The following TSPAN4 variants were observed in gnomAD, a reference collection of about 807,000 sequenced individuals.
The protein encoded by TSPAN4 is tetraspanin-4.
A neutral mutation model predicts 31.5 loss-of-function variants in TSPAN4; 38 were observed. That is an observed-to-expected ratio of 1.21 (90% CI 0.93 to 1.58). The LOEUF is 1.58. Ranked by LOEUF, TSPAN4 falls within the 40% of genes most tolerant of loss-of-function variation. TSPAN4 has a pLI of 0.00. For synonymous variants in TSPAN4, 186 were observed against 144.6 expected (o/e 1.29, Z -2.06); for missense variants, 330 against 317.3 (o/e 1.04, Z -0.30).
Position 864,522 on chromosome 11 carries a change from C to T in TSPAN4, c.330+11C>T, listed in dbSNP as rs1451245830. The T allele has an allele frequency of 6.2e-7, 1 of 1,611,352 alleles. No homozygotes were observed. The highest frequency in any genetic ancestry group is 8.5e-7 in the Non-Finnish European group (1 of 1,179,878). ...GCCTACACGGACAAGGTACGGCTGC[C>T]TTGGCCGCAGGCCCAACTGCAGGGC... On this transcript the variant is annotated intron_variant, in intron 5 of 8. Transcript: ENST00000397397.
intron 3 of TSPAN4, among the ~76,000 whole-genome samples, chr11:860,484 G>A (rs1305028959): frequency 6.6e-6 from 1 of 152,210 alleles, no homozygotes; most frequent in Non-Finnish European, 1.5e-5. Context: ...CGAGGAGGGG[G>A]CATCTCCCAC....
At chr11:846,052 TGGC>T (rs981335132) in intron 1 of TSPAN4, among the ~76,000 whole-genome samples, 1 of 152,136 alleles carries the variant, frequency 6.6e-6, no homozygotes, top group African/African-American at 2.4e-5. Context: ...CTGTTTGTGT[TGGC>T]GGGCCTCCCT....
intron 1 of TSPAN4, among the ~76,000 whole-genome samples, chr11:846,967 G>A (rs1847356690): frequency 6.6e-6 from 1 of 152,172 alleles, no homozygotes; most frequent in African/African-American, 2.4e-5. Context: ...GAGCCCTGAA[G>A]GAGCAGAATT....
intron 5 of TSPAN4, chr11:864,906 C>T (rs1848680666): frequency 1.3e-5 from 3 of 237,984 alleles, no homozygotes; most frequent in South Asian, 1.6e-4. Context: ...GGATGAAGTC[C>T]TGGCTATTGA....
chr11:846,339 C>T (rs973728427), intron 1 of TSPAN4, among the ~76,000 whole-genome samples: 3 of 152,212 alleles, frequency 2.0e-5, no homozygotes, highest in Non-Finnish European at 4.4e-5. Context: ...CTGAGATCTC[C>T]TTGCAGCTCA....
chr11:860,272 A>G (rs1195552145), intron 3 of TSPAN4, among the ~76,000 whole-genome samples: 1 of 152,174 alleles, frequency 6.6e-6, no homozygotes, highest in Non-Finnish European at 1.5e-5. Context: ...TGGAGCCCAG[A>G]GGGACCGAAG....
At chr11:861,935 A>G (rs889875948) in intron 3 of TSPAN4, among the ~76,000 whole-genome samples, 2 of 152,122 alleles carry the variant, frequency 1.3e-5, no homozygotes, top group African/African-American at 2.4e-5. Flanking sequence ...AAAAAAGAAA[A>G]AAAGAAAGAA....
intron 3 of TSPAN4, among the ~76,000 whole-genome samples, chr11:856,032 C>T (rs868447054): frequency 2.0e-5 from 3 of 152,232 alleles, no homozygotes; most frequent in South Asian, 2.1e-4. Flanking sequence ...CACCCCTGCC[C>T]AAGGCCTACA....
At chr11:864,612 G>T in intron 5 of TSPAN4, 101 bp downstream of exon 5, 2 of 1,488,942 alleles carry the variant, frequency 1.3e-6, no homozygotes, top group Non-Finnish European at 1.9e-6. Flanking sequence ...GGCCCTGCAT[G>T]TGCCCTCACG....
chr11:855,040 C>CG (rs1847971402), intron 3 of TSPAN4, among the ~76,000 whole-genome samples: 1 of 152,128 alleles, frequency 6.6e-6, no homozygotes, highest in Admixed American at 6.5e-5. Flanking sequence ...AGCGGTCGGT[C>CG]GGGGGACACT....
intron 1 of TSPAN4, 101 bp downstream of exon 1, chr11:843,016 T>G (rs1847054871): frequency 6.6e-6 from 1 of 151,634 alleles, no homozygotes; most frequent in Non-Finnish European, 1.5e-5. Flanking sequence ...GGCGCGCGAG[T>G]TCGAGCCCAG....
intron 4 of TSPAN4, chr11:864,212 C>T: frequency 1.6e-6 from 1 of 607,776 alleles, no homozygotes; most frequent in Non-Finnish European, 2.9e-6. Flanking sequence ...GCCCAGGGCC[C>T]CACACTCAGG....
intron 4 of TSPAN4, 175 bp downstream of exon 4, chr11:862,916 C>CTGGA: frequency 3.1e-6 from 2 of 654,334 alleles, no homozygotes; most frequent in Non-Finnish European, 5.1e-6. Context: ...TCTTCCAGGC[C>CTGGA]ACACTGGGGC....
intron 5 of TSPAN4, chr11:865,082 C>T (rs568871226): frequency 5.3e-6 from 1 of 189,720 alleles, no homozygotes; most frequent in South Asian, 1.2e-4. Flanking sequence ...CAGGGCGCTC[C>T]AGGCTCCTTC....
At chr11:864,315 C>G (rs1364791740) in intron 4 of TSPAN4, 122 bp from the exon 5 acceptor site, 2 of 1,258,316 alleles carry the variant, frequency 1.6e-6, no homozygotes, top group Non-Finnish European at 2.3e-6. Flanking sequence ...GAGTGGGGGC[C>G]TGGCAGAGGT....
rs7933720 is a variant in TSPAN4 at position 852,465 on chromosome 11, G to A, written c.63+2098G>A. 3.3e-3 allele frequency among the ~76,000 whole-genome samples: 497 copies of A among 152,270 alleles called. 3 individuals carry two copies. The highest frequency in any genetic ancestry group is 0.011 in the African/African-American group (474 of 41,566). On this transcript the variant is annotated intron_variant, in intron 3 of 8. Coordinates refer to ENST00000397397, the MANE Select transcript of TSPAN4 (RefSeq NM_003271.5). ...CGCCAGTCCAGCAAACTGGAGCCCC[G>A]CTGGCTTCATACACCAGCCTTGGCC... is the stretch of plus-strand genomic sequence containing the variant.
At chr11:858,943 CCCA>C (rs1848237847) in intron 3 of TSPAN4, among the ~76,000 whole-genome samples, 1 of 130,842 alleles carries the variant, frequency 7.6e-6, no homozygotes, top group Admixed American at 7.5e-5. Context: ...GGCTCACACC[CCCA>C]ACAGCTTGCA....
chr11:844,745 G>A (rs753418188), intron 1 of TSPAN4, among the ~76,000 whole-genome samples: 9 of 151,826 alleles, frequency 5.9e-5, no homozygotes, highest in East Asian at 1.9e-4. Context: ...AGGGTGAGGC[G>A]CTGGTTTTAT....
At chr11:856,025 C>T (rs528712806) in intron 3 of TSPAN4, among the ~76,000 whole-genome samples, 2 of 152,350 alleles carry the variant, frequency 1.3e-5, no homozygotes, top group African/African-American at 4.8e-5. Context: ...GTGACTGCAC[C>T]CCTGCCCAAG....
Sources: gnomAD v4.1 joint callset for allele counts (sites outside exome capture counted in the v4.1 genomes callset) on GRCh38, gnomAD v4.1.1 for gene constraint, MANE v1.5 for transcripts, NCBI Gene and HGNC (gene_info 2026-07-23, HGNC 2026-07-21) for gene names.